Variants in ARHGAP32 observed in about 807,000 individuals in gnomAD.
ARHGAP32 encodes the protein rho GTPase-activating protein 32.
ARHGAP32 carries 51 observed loss-of-function variants against 186.5 expected under a neutral mutation model. The ratio of observed to expected loss-of-function variants is 0.27; its 90% CI spans 0.22 to 0.35. ARHGAP32 has a LOEUF of 0.35. ARHGAP32 is among the 10% of genes least tolerant of loss of function. ARHGAP32 has a pLI of 1.00. For missense variants in ARHGAP32, 2,186 were observed against 2,623.5 expected (o/e 0.83, Z 3.64); for synonymous variants, 950 against 964.3 (o/e 0.99, Z 0.27).
At chr11:128,978,957 G>C in intron 18 of ARHGAP32, 42 bp from the exon 19 acceptor site, 1 of 1,548,372 alleles carries the variant, frequency 6.5e-7, no homozygotes, top group South Asian at 1.2e-5. Context: ...ATAGCCATGG[G>C]TCTGTCTTTT....
At chr11:129,228,346 A>T (rs1944812990) in intron 1 of ARHGAP32, among the ~76,000 whole-genome samples, 1 of 152,190 alleles carries the variant, frequency 6.6e-6, no homozygotes, top group African/African-American at 2.4e-5. Context: ...AAGCAGATAA[A>T]AATAGTAAAG....
At chr11:129,261,398 A>C (rs1945319228) in intron 1 of ARHGAP32, among the ~76,000 whole-genome samples, 1 of 152,152 alleles carries the variant, frequency 6.6e-6, no homozygotes, top group South Asian at 2.1e-4. Context: ...AAACACTAAG[A>C]ATATCATAAT....
rs780870503 is a variant in ARHGAP32, at chr11:128,986,041, G to A, written c.1488C>T (p.Ile496=). ...GGGGGAGCTGCTGGATGACATCGTG[G>A]ATTTTTATCAGCCTTTCTTCATCTG... ...AATDEERLIK[I]HDVIQQLPPP... The change falls in exon 15 of 23, where the codon ATC becomes ATT. Residue 496 remains isoleucine (I), a synonymous_variant. Coordinates refer to ENST00000682385, the MANE Select transcript of ARHGAP32 (RefSeq NM_001378024.1). 2.5e-6 allele frequency: 4 copies of A among 1,608,124 alleles called. No homozygotes were observed.
intron 1 of ARHGAP32, among the ~76,000 whole-genome samples, chr11:129,197,530 A>C (rs539545567): frequency 2.4e-4 from 36 of 152,318 alleles, no homozygotes; most frequent in African/African-American, 8.7e-4. Context: ...CTTCATGAAT[A>C]TGAATATAAA....
At chr11:129,273,654 A>G (rs1286558078) in intron 1 of ARHGAP32, among the ~76,000 whole-genome samples, 2 of 152,206 alleles carry the variant, frequency 1.3e-5, no homozygotes, top group Non-Finnish European at 2.9e-5. Context: ...GATGCTACTC[A>G]TCTTAAGAGT....
At chr11:129,206,261 G>A (rs528389978) in intron 1 of ARHGAP32, among the ~76,000 whole-genome samples, 29 of 152,184 alleles carry the variant, frequency 1.9e-4, no homozygotes, top group African/African-American at 5.8e-4. Context: ...ACCCAGGCTG[G>A]AGTGCAGCAA....
rs866592524 is a variant in ARHGAP32 at position 128,970,664 on chromosome 11, G to A, written c.4549C>T (p.Arg1517Cys). Residue 1517 changes from arginine to cysteine, a missense_variant, in exon 23 of 23, where the codon CGT becomes TGT. Physicochemically the swap from Arg to Cys is radical, Grantham distance 180. Transcript: ENST00000682385. The surrounding 1 kb of genome is among the most constrained non-coding windows in gnomAD (Gnocchi z 5.8). The stretch of plus-strand genomic sequence containing the variant: ...TGATGGGGAGGTACACTCTGGGGAC[G>A]GTACTGGCAGTTTGGAGTCATATTG... ...HFNMTPNCQY[R>C]PQSVPPHHNK... 6.8e-6 allele frequency: 11 copies of A among 1,613,998 alleles called. No homozygotes were observed. Among genetic ancestry groups the A allele is most frequent in the African/African-American group, 2.7e-5 (2 of 74,882 alleles).
At chr11:129,250,537 ATTT>A (rs1270307940) in intron 1 of ARHGAP32, among the ~76,000 whole-genome samples, 1 of 152,220 alleles carries the variant, frequency 6.6e-6, no homozygotes, top group Non-Finnish European at 1.5e-5. Flanking sequence ...TTTGTGGGAA[ATTT>A]TTAATAAACC....
chr11:128,969,173 C>T lies in ARHGAP32; in HGVS notation c.6040G>A (p.Asp2014Asn), dbSNP rs1945286429. The T allele has an allele frequency of 6.2e-7, 1 of 1,613,286 alleles. No homozygotes were observed. Among genetic ancestry groups the T allele is most frequent in the African/African-American group, 1.3e-5 (1 of 74,950 alleles). ...KLHHTQNVER[D>N]PSVLYQYQPH... ...TGGTACTGGTACAGCACACTGGGGT[C>T]CCTCTCCACGTTCTGGGTATGATGG... The change falls in exon 23 of 23, where the codon GAC becomes AAC. Residue 2014 changes from aspartate (D) to asparagine (N), a missense_variant. Around this residue, in one of 5 missense-constraint regions of ARHGAP32, gnomAD observed 1,502 missense variants for 1,570.0 expected, o/e 0.96. Coordinates refer to ENST00000682385, the MANE Select transcript of ARHGAP32 (RefSeq NM_001378024.1). This position sits in a 1 kb window ranked among gnomAD's most constrained non-coding sequence, Gnocchi z 4.8.
chr11:129,256,870 G>T (rs1365525086), intron 1 of ARHGAP32, among the ~76,000 whole-genome samples: 1 of 152,154 alleles, frequency 6.6e-6, no homozygotes, highest in African/African-American at 2.4e-5. Flanking sequence ...GGCAGTTCAA[G>T]AACATAAGGG....
chr11:129,177,804 A>T (rs1447955499), intron 1 of ARHGAP32, among the ~76,000 whole-genome samples: 1 of 152,214 alleles, frequency 6.6e-6, no homozygotes, highest in African/African-American at 2.4e-5. Flanking sequence ...AATAAGAGCT[A>T]TCTATGACAA....
At chr11:129,236,218 C>T (rs1286402444) in intron 1 of ARHGAP32, among the ~76,000 whole-genome samples, 1 of 152,148 alleles carries the variant, frequency 6.6e-6, no homozygotes, top group African/African-American at 2.4e-5. Context: ...TTCACTGCAT[C>T]CACGTCAACA....
At chr11:129,068,962 A>G (rs1230900685) in intron 6 of ARHGAP32, among the ~76,000 whole-genome samples, 1 of 152,116 alleles carries the variant, frequency 6.6e-6, no homozygotes, top group Non-Finnish European at 1.5e-5. Flanking sequence ...GGTATGTGAA[A>G]GAACAAGTAT....
intron 1 of ARHGAP32, among the ~76,000 whole-genome samples, chr11:129,183,491 A>T (rs1944096745): frequency 6.6e-6 from 1 of 152,086 alleles, no homozygotes; most frequent in Non-Finnish European, 1.5e-5. Context: ...TTCTTCAATG[A>T]TGTTTTACAT....
At chr11:129,215,383 T>G (rs1050846089) in intron 1 of ARHGAP32, among the ~76,000 whole-genome samples, 3 of 152,196 alleles carry the variant, frequency 2.0e-5, no homozygotes, top group African/African-American at 7.2e-5. Flanking sequence ...GCTTTGATCA[T>G]GGTATTAGTT....
At position 129,081,180 on chromosome 11, in the gene ARHGAP32, A is replaced by G. The variant is rs140278821; in HGVS notation, c.531+12441T>C. On this transcript the variant is annotated intron_variant, in intron 6 of 22. Coordinates refer to ENST00000682385, the MANE Select transcript of ARHGAP32 (RefSeq NM_001378024.1). ...GATTCACAGCTGAATTCTATTAGAC[A>G]TTCAAAGAAGAACTGGTACCAATCC... 2.8e-3 allele frequency among the ~76,000 whole-genome samples: 428 copies of G among 152,234 alleles called. 5 individuals carry two copies. Among genetic ancestry groups the G allele is most frequent in the African/African-American group, 9.8e-3 (407 of 41,578 alleles).
At chr11:129,193,009 G>C (rs939579310), upstream of ARHGAP32, among the ~76,000 whole-genome samples, 2 of 152,040 alleles carry the variant, frequency 1.3e-5, no homozygotes, top group Non-Finnish European at 2.9e-5. Flanking sequence ...CAACACAACT[G>C]TTACTTAGAA....
chr11:129,063,332 T>G (rs1349621340), intron 9 of ARHGAP32, among the ~76,000 whole-genome samples: 2 of 152,192 alleles, frequency 1.3e-5, no homozygotes, highest in Non-Finnish European at 2.9e-5. Context: ...TGTCAGCATT[T>G]TTTTTCTCTC....
intron 1 of ARHGAP32, among the ~76,000 whole-genome samples, chr11:129,243,708 C>A (rs896032911): frequency 1.3e-5 from 2 of 152,094 alleles, no homozygotes; most frequent in Non-Finnish European, 2.9e-5. Flanking sequence ...CACTAGATAC[C>A]TGCTTTGTTT....
Sources: gnomAD v4.1 joint callset for allele counts (sites outside exome capture counted in the v4.1 genomes callset) on GRCh38, gnomAD v4.1.1 for gene constraint, gnomAD v4.1.1 regional missense constraint, Gnocchi (gnomAD v3.1) non-coding constraint, MANE v1.5 for transcripts, NCBI Gene and HGNC (gene_info 2026-07-23, HGNC 2026-07-21) for gene names.